Variants in CALCRL observed in about 807,000 individuals in gnomAD.
CALCRL encodes the protein calcitonin receptor like receptor, also known as calcitonin gene-related peptide type 1 receptor.
Under a neutral mutation model 60.4 loss-of-function variants are expected in CALCRL, and 27 were observed. The observed-to-expected ratio is 0.45, with a 90% CI of 0.33 to 0.62. The LOEUF (loss-of-function observed/expected upper bound fraction) is 0.62. Ranked by LOEUF, CALCRL falls within the 20% of genes least tolerant of loss-of-function variation. CALCRL has a pLI of 0.03. For missense variants in CALCRL, 424 were observed against 540.7 expected (o/e 0.78, Z 2.14); for synonymous variants, 190 against 182.6 (o/e 1.04, Z -0.33).
chr2:187,429,226 C>T (rs986547724), intron 1 of CALCRL, among the ~76,000 whole-genome samples: 19 of 151,502 alleles, frequency 1.3e-4, no homozygotes, highest in Non-Finnish European at 2.8e-4. Flanking sequence ...TTTTGGTCAG[C>T]TGTATGATTA....
intron 1 of CALCRL, among the ~76,000 whole-genome samples, chr2:187,430,521 A>G (rs894957754): frequency 3.3e-5 from 5 of 152,186 alleles, no homozygotes; most frequent in African/African-American, 4.8e-5. Flanking sequence ...TTGCATAATT[A>G]ATATTTTATT....
chr2:187,351,299 A>AAAAAAAAAAAAAAAAAG (rs1207142323), intron 14 of CALCRL, among the ~76,000 whole-genome samples: 1 of 150,716 alleles, frequency 6.6e-6, no homozygotes, highest in South Asian at 2.1e-4. Flanking sequence ...AAAAAAAAAA[A>AAAAAAAAAAAAAAAAAG]AGAAATATGT....
At chr2:187,434,855 T>G (rs1225876389) in intron 1 of CALCRL, among the ~76,000 whole-genome samples, 1 of 152,198 alleles carries the variant, frequency 6.6e-6, no homozygotes, top group Non-Finnish European at 1.5e-5. Context: ...CTTCAAAGAA[T>G]GTATTCAAGA....
chr2:187,388,095 T>C (rs1688281586), intron 1 of CALCRL, among the ~76,000 whole-genome samples: 1 of 151,990 alleles, frequency 6.6e-6, no homozygotes, highest in Non-Finnish European at 1.5e-5. Flanking sequence ...ATTTTTTTCA[T>C]AGAATTACTA....
chr2:187,363,305 T>G, intron 9 of CALCRL, 71 bp downstream of exon 9: 2 of 1,445,192 alleles, frequency 1.4e-6, no homozygotes, highest in South Asian at 1.3e-5. Context: ...ATACACATTA[T>G]GCATATATCA....
chr2:187,380,827 C>G (rs779359430), intron 5 of CALCRL, 40 bp from the exon 6 acceptor site: 6 of 1,475,772 alleles, frequency 4.1e-6, no homozygotes, highest in Non-Finnish European at 4.7e-6. Context: ...TTAAATCCTT[C>G]TACTTATACA....
intron 1 of CALCRL, among the ~76,000 whole-genome samples, chr2:187,417,206 G>T (rs956182722): frequency 6.6e-6 from 1 of 151,778 alleles, no homozygotes; most frequent in Non-Finnish European, 1.5e-5. Flanking sequence ...AAAACTAATT[G>T]ATGTTTCAAA....
At position 187,342,539 on chromosome 2, in the gene CALCRL, T is replaced by G. The variant is rs1386714346; in HGVS notation, c.*3645A>C. Among the ~76,000 whole-genome samples, 2 of 151,558 alleles carry G rather than the reference T, an allele frequency of 1.3e-5. No individual in the cohort carries two copies. The highest frequency in any genetic ancestry group is 3.0e-5 in the Non-Finnish European group (2 of 67,628). Reference sequence around the variant, plus strand: ...AACAATAGGCCAAACCTTATTAAACTAGCAATATTTTTAATCAAGAATATT... The same window carrying G: ...AACAATAGGCCAAACCTTATTAAACGAGCAATATTTTTAATCAAGAATATT... On this transcript the variant is annotated 3_prime_UTR_variant, in exon 15 of 15. Transcript: ENST00000392370.
At chr2:187,390,500 A>G (rs1276220506) in intron 1 of CALCRL, among the ~76,000 whole-genome samples, 2 of 115,724 alleles carry the variant, frequency 1.7e-5, no homozygotes, top group Non-Finnish European at 2.0e-5. Flanking sequence ...CAAACCCCAC[A>G]TATTTGAAAC....
chr2:187,444,528 T>G (rs181638617), intron 1 of CALCRL, among the ~76,000 whole-genome samples: 1 of 151,670 alleles, frequency 6.6e-6, no homozygotes, highest in East Asian at 1.9e-4. Context: ...TTGCAAACAA[T>G]AATATTTTGG....
At chr2:187,380,117 C>T (rs1466962067) in intron 7 of CALCRL, among the ~76,000 whole-genome samples, 1 of 152,138 alleles carries the variant, frequency 6.6e-6, no homozygotes, top group Non-Finnish European at 1.5e-5. Context: ...ATCCTGTTTA[C>T]TTGAGCACAG....
At chr2:187,353,029 A>G (rs1686603328) in intron 12 of CALCRL, among the ~76,000 whole-genome samples, 1 of 151,930 alleles carries the variant, frequency 6.6e-6, no homozygotes, top group Non-Finnish European at 1.5e-5. Flanking sequence ...TCGAAGAGAC[A>G]GTAGTTTCTT....
rs1574294263 is a variant in CALCRL, at chr2:187,412,944, C to A, written c.-292-25188G>T. ...AAATATGCTTTGTTGATTGTTTTCT[C>A]TCAACTAGTACTATTAGAGTTGCTA... On this transcript the variant is annotated intron_variant, in intron 1 of 14. Coordinates refer to ENST00000392370, the MANE Select transcript of CALCRL (RefSeq NM_005795.6). Among the ~76,000 whole-genome samples the A allele has an allele frequency of 1.1e-4, 17 of 152,240 alleles. 1 individual carries two copies. The South Asian group carries it at 3.3e-3, about 30-fold the overall frequency.
Position 187,379,003 on chromosome 2 carries a change from A to G in CALCRL, c.437T>C (p.Ile146Thr). Reference sequence around the variant, plus strand: ...TGCAATAGACAATCCGTGTCCAATTATGGTCAGGTAAAACAAATTTAGTGC... The same window carrying G: ...TGCAATAGACAATCCGTGTCCAATTGTGGTCAGGTAAAACAAATTTAGTGC... ...KTALNLFYLT[I>T]IGHGLSIASL... The change falls in exon 8 of 15, where the codon ATA (isoleucine) becomes ACA (threonine). Residue 146 changes from isoleucine (I) to threonine (T), a missense_variant. Transcript: ENST00000392370. 6.2e-7 allele frequency: 1 copy of G among 1,607,924 alleles called. No homozygotes were observed. Among genetic ancestry groups the G allele is most frequent in the Non-Finnish European group, 8.5e-7 (1 of 1,176,036 alleles).
At chr2:187,379,211 A>G (rs1382591064) in intron 7 of CALCRL, among the ~76,000 whole-genome samples, 180 bp from the exon 8 acceptor site, 1 of 152,112 alleles carries the variant, frequency 6.6e-6, no homozygotes, top group Non-Finnish European at 1.5e-5. Flanking sequence ...TGGAATGAAA[A>G]ATATCTATCC....
In CALCRL at chr2:187,345,547, A is replaced by C. The variant is rs1212776201; in HGVS notation, c.*637T>G. ...CACAATGGATATGCCACAAGATATAACTGATGTGTCAGCAAATGAGTAGAT... is the reference window on the plus strand; with the variant it reads ...CACAATGGATATGCCACAAGATATACCTGATGTGTCAGCAAATGAGTAGAT... On this transcript the variant is annotated 3_prime_UTR_variant, in exon 15 of 15. Transcript: ENST00000392370. 2.6e-5 allele frequency: 4 copies of C among 152,036 alleles called. No homozygotes were observed. Among genetic ancestry groups the C allele is most frequent in the African/African-American group, 9.7e-5 (4 of 41,372 alleles). 9.4% of individuals were successfully genotyped at this position (152,036 alleles called of 1,614,324 possible).
rs1686249799 is a variant in CALCRL at position 187,345,887 on chromosome 2, C to T, written c.*297G>A. 4.0e-6 allele frequency: 1 copy of T among 249,266 alleles called. No homozygotes were observed. The highest frequency in any genetic ancestry group is 7.7e-6 in the Non-Finnish European group (1 of 130,174). 15.4% of individuals were successfully genotyped at this position (249,266 alleles called of 1,614,324 possible). On this transcript the variant is annotated 3_prime_UTR_variant, in exon 15 of 15. Transcript: ENST00000392370. Reference sequence around the variant, plus strand: ...GTGTGCTGGAACTGGCTTACACCAGCTCAGAAAAGTTGATTGTGCTTTTCT... The same window carrying T: ...GTGTGCTGGAACTGGCTTACACCAGTTCAGAAAAGTTGATTGTGCTTTTCT...
Position 187,430,794 on chromosome 2 carries a change from G to C in CALCRL, c.-293+17245C>G, listed in dbSNP as rs75535205. Reference sequence around the variant, plus strand: ...CATAGGAATATAACAGTGACAATGTGAATAGAAAATAAGGAACTCTATAGA... The same window carrying C: ...CATAGGAATATAACAGTGACAATGTCAATAGAAAATAAGGAACTCTATAGA... On this transcript the variant is annotated intron_variant, in intron 1 of 14. Transcript: ENST00000392370. Among the ~76,000 whole-genome samples, 689 of 152,128 alleles carry C rather than the reference G, an allele frequency of 4.5e-3. 11 individuals are homozygous for C. The highest frequency in any genetic ancestry group is 4.0e-3 in the Non-Finnish European group (274 of 67,976).
intron 1 of CALCRL, among the ~76,000 whole-genome samples, chr2:187,427,339 A>T (rs1690188940): frequency 6.6e-6 from 1 of 152,136 alleles, no homozygotes; most frequent in Non-Finnish European, 1.5e-5. Context: ...TCTAGGGAAA[A>T]GTGTAACACA....
Sources: allele counts gnomAD v4.1 joint callset (sites outside exome capture counted in the v4.1 genomes callset), GRCh38; gene constraint gnomAD v4.1.1; transcripts MANE v1.5; gene names NCBI Gene and HGNC (gene_info 2026-07-23, HGNC 2026-07-21).